The following FMO5 variants were observed in gnomAD, a reference collection of about 807,000 sequenced individuals.
FMO5 encodes flavin-containing monooxygenase 5.
FMO5 carries 51 observed loss-of-function variants against 43.6 expected under a neutral mutation model. The observed-to-expected ratio is 1.17, with a 90% CI of 0.93 to 1.48. The LOEUF is 1.48. FMO5 is among the 40% of genes most tolerant of loss of function. FMO5 has a pLI of 0.00. For missense variants in FMO5, 644 were observed against 643.0 expected, an observed-to-expected ratio of 1.00 and a Z score of -0.02; for synonymous variants, 187 against 216.5, an observed-to-expected ratio of 0.86 and a Z score of 1.20.
chr1:147,189,335 G>C (rs143458746), intron 8 of FMO5, among the ~76,000 whole-genome samples: 1 of 152,104 alleles, frequency 6.6e-6, no homozygotes, highest in Non-Finnish European at 1.5e-5. Context: ...GGCTTAGGGA[G>C]GCAGCAAAAG....
At chr1:147,209,169 C>T in intron 5 of FMO5, 118 bp from the exon 6 acceptor site, 1 of 758,554 alleles carries the variant, frequency 1.3e-6, no homozygotes, top group Non-Finnish European at 2.1e-6. Context: ...CCTGTAATCC[C>T]AGCACTTTGG....
chr1:147,212,691 C>T (rs1360754592), intron 4 of FMO5, among the ~76,000 whole-genome samples, 156 bp from the exon 5 acceptor site: 6 of 152,010 alleles, frequency 3.9e-5, no homozygotes. Context: ...GTATTTTTGC[C>T]TATTTTCTTT....
At chr1:147,186,062 C>T (rs932591125), downstream of FMO5, among the ~76,000 whole-genome samples, 2 of 152,168 alleles carry the variant, frequency 1.3e-5, no homozygotes, top group African/African-American at 4.8e-5. Flanking sequence ...TGAATCAAAT[C>T]ACATTTGTAG....
intron 5 of FMO5, among the ~76,000 whole-genome samples, chr1:147,211,725 G>A (rs1553923757): frequency 6.6e-6 from 1 of 152,160 alleles, no homozygotes; most frequent in East Asian, 1.9e-4. Flanking sequence ...TTGCTTCTCA[G>A]TTCAAAGTCT....
At chr1:147,212,311 C>A in intron 5 of FMO5, 82 bp downstream of exon 5, 1 of 1,422,618 alleles carries the variant, frequency 7.0e-7, no homozygotes, top group Admixed American at 1.8e-5. Context: ...TATCCCTATT[C>A]TCTGTTGGGT....
At chr1:147,214,945 T>G (rs1328176041) in intron 3 of FMO5, 1 of 152,138 alleles carries the variant, frequency 6.6e-6, no homozygotes, top group Non-Finnish European at 1.5e-5. Flanking sequence ...ACTTTAGAAG[T>G]TCACTAGATG....
chr1:147,209,393 G>A (rs587669998), intron 5 of FMO5, among the ~76,000 whole-genome samples: 1 of 132,406 alleles, frequency 7.6e-6, no homozygotes, highest in Non-Finnish European at 1.5e-5. Flanking sequence ...AGCCAAGATC[G>A]CACCACTGCA....
At chr1:147,198,765 G>C (rs1658432567) in intron 7 of FMO5, among the ~76,000 whole-genome samples, 1 of 150,614 alleles carries the variant, frequency 6.6e-6, no homozygotes, top group Admixed American at 6.6e-5. Flanking sequence ...GCAGTAGAAT[G>C]GCCTGAACCC....
At chr1:147,204,459 A>G in intron 6 of FMO5, 1 of 1,388,614 alleles carries the variant, frequency 7.2e-7, no homozygotes, top group Non-Finnish European at 1.0e-6. Flanking sequence ...ATGAGACTTC[A>G]TCAACATCTC....
chr1:147,198,621 C>T (rs1450458739), intron 7 of FMO5, among the ~76,000 whole-genome samples: 1 of 151,850 alleles, frequency 6.6e-6, no homozygotes, highest in Non-Finnish European at 1.5e-5. Context: ...GAGGCTGAGG[C>T]AGGCGGATCA....
chr1:147,203,378 C>T, intron 6 of FMO5: 2 of 1,080,586 alleles, frequency 1.9e-6, no homozygotes, highest in South Asian at 2.5e-5. Context: ...ACAGTGACTG[C>T]AGCATTAGCA....
At chr1:147,220,211 T>C (rs1248107197) in intron 2 of FMO5, among the ~76,000 whole-genome samples, 2 of 152,202 alleles carry the variant, frequency 1.3e-5, no homozygotes, top group African/African-American at 4.8e-5. Context: ...GTAATACCCC[T>C]GAAATTACAT....
At chr1:147,223,896 T>C in intron 2 of FMO5, 1 of 354,426 alleles carries the variant, frequency 2.8e-6, no homozygotes, top group Non-Finnish European at 5.4e-6. Context: ...CAGAGACTGT[T>C]GTCCTGGACT....
At chr1:147,204,723 C>T (rs879948458) in intron 6 of FMO5, 13 of 1,507,726 alleles carry the variant, frequency 8.6e-6, no homozygotes, top group African/African-American at 1.4e-5. Context: ...TTAAAATAGT[C>T]GCTGCATCAT....
intron 2 of FMO5, among the ~76,000 whole-genome samples, chr1:147,221,025 T>A (rs1435638153): frequency 6.7e-6 from 1 of 150,290 alleles, no homozygotes; most frequent in Admixed American, 6.6e-5. Context: ...CCTTATAATA[T>A]TCCTCCCCAA....
At chr1:147,206,853 C>T (rs1203986174) in intron 6 of FMO5, among the ~76,000 whole-genome samples, 1 of 150,520 alleles carries the variant, frequency 6.6e-6, no homozygotes, top group African/African-American at 2.5e-5. Flanking sequence ...TTAATGGGTG[C>T]AGCACACCAA....
At chr1:147,216,285 G>T (rs1661980325) in intron 2 of FMO5, among the ~76,000 whole-genome samples, 1 of 152,178 alleles carries the variant, frequency 6.6e-6, no homozygotes, top group African/African-American at 2.4e-5. Context: ...GCTTGAGGAA[G>T]TCCAGCCTCA....
intron 6 of FMO5, chr1:147,204,719 T>C: frequency 6.6e-7 from 1 of 1,512,706 alleles, no homozygotes; most frequent in Non-Finnish European, 9.2e-7. Flanking sequence ...TCTCTTAAAA[T>C]AGTCGCTGCA....
intron 6 of FMO5, among the ~76,000 whole-genome samples, chr1:147,201,927 A>C (rs1284967430): frequency 6.6e-6 from 1 of 152,212 alleles, no homozygotes; most frequent in Non-Finnish European, 1.5e-5. Flanking sequence ...ACTGTTTTCC[A>C]AACTGTATGA....
Sources: gnomAD v4.1 joint callset for allele counts (sites outside exome capture counted in the v4.1 genomes callset) on GRCh38, gnomAD v4.1.1 for gene constraint, MANE v1.5 for transcripts, NCBI Gene and HGNC (gene_info 2026-07-23, HGNC 2026-07-21) for gene names.